Variants in SEMA3A observed in about 807,000 individuals in gnomAD.
The protein encoded by SEMA3A is semaphorin-3A.
Under a neutral mutation model 97.9 loss-of-function variants are expected in SEMA3A, and 29 were observed. That is an observed-to-expected ratio of 0.30 (90% confidence interval 0.22 to 0.40). SEMA3A has a LOEUF of 0.40. Ranked by LOEUF, SEMA3A falls within the 10% of genes least tolerant of loss-of-function variation. SEMA3A has a pLI of 1.00. For synonymous variants in SEMA3A, 321 were observed against 323.7 expected (o/e 0.99, Z 0.09); for missense variants, 763 against 951.3 (o/e 0.80, Z 2.60).
chr7:83,987,221 G>C (rs1425425081), intron 12 of SEMA3A, among the ~76,000 whole-genome samples: 1 of 151,590 alleles, frequency 6.6e-6, no homozygotes, highest in African/African-American at 2.4e-5. Flanking sequence ...TTGCAGGTTT[G>C]GGGCAAGAGT....
intron 6 of SEMA3A, among the ~76,000 whole-genome samples, chr7:84,030,793 T>C (rs1030881598): frequency 6.6e-6 from 1 of 152,168 alleles, no homozygotes; most frequent in African/African-American, 2.4e-5. Flanking sequence ...CTAGCTAACA[T>C]ATTTAAATTG....
intron 1 of SEMA3A, among the ~76,000 whole-genome samples, chr7:84,476,622 C>T (rs1415771531): frequency 6.6e-6 from 1 of 151,968 alleles, no homozygotes; most frequent in Admixed American, 6.6e-5. Context: ...TATTGTGTTG[C>T]TATTACCTAG....
At chr7:84,185,833 C>T (rs1019421341) in intron 1 of SEMA3A, among the ~76,000 whole-genome samples, 13 of 151,738 alleles carry the variant, frequency 8.6e-5, no homozygotes, top group African/African-American at 2.9e-4. Context: ...CCAAAATCAA[C>T]GTCCTTTTCT....
At chr7:84,337,322 G>A (rs765888862) in intron 2 of SEMA3A, among the ~76,000 whole-genome samples, 1 of 152,088 alleles carries the variant, frequency 6.6e-6, no homozygotes. Flanking sequence ...TGATGCATGT[G>A]TAATATATAC....
At chr7:84,044,949 C>G (rs1378956913) in intron 6 of SEMA3A, among the ~76,000 whole-genome samples, 1 of 151,964 alleles carries the variant, frequency 6.6e-6, no homozygotes, top group South Asian at 2.1e-4. Context: ...TTTGTCACTA[C>G]CACATGGAAA....
At chr7:84,491,959 G>C (rs1015521147) in intron 1 of SEMA3A, among the ~76,000 whole-genome samples, 10 of 152,046 alleles carry the variant, frequency 6.6e-5, no homozygotes, top group African/African-American at 2.4e-4. Flanking sequence ...CACTTCTCTA[G>C]TAAGAGATCA....
At chr7:84,243,250 A>G (rs1799406684) in intron 3 of SEMA3A, among the ~76,000 whole-genome samples, 1 of 152,194 alleles carries the variant, frequency 6.6e-6, no homozygotes, top group Non-Finnish European at 1.5e-5. Context: ...TAACTCTGGT[A>G]GAATTCGGCT....
At chr7:84,482,251 C>A (rs893077363) in intron 1 of SEMA3A, among the ~76,000 whole-genome samples, 4 of 152,084 alleles carry the variant, frequency 2.6e-5, no homozygotes, top group African/African-American at 9.7e-5. Context: ...GACTTTACTA[C>A]AGTAGAATCT....
intron 1 of SEMA3A, among the ~76,000 whole-genome samples, chr7:84,396,048 T>C (rs1335649993): frequency 6.6e-6 from 1 of 151,934 alleles, no homozygotes; most frequent in East Asian, 1.9e-4. Context: ...AATTCACAAA[T>C]AGTTAAAAAT....
intron 2 of SEMA3A, among the ~76,000 whole-genome samples, chr7:84,317,251 C>G (rs1198784379): frequency 6.6e-6 from 1 of 152,154 alleles, no homozygotes; most frequent in Non-Finnish European, 1.5e-5. Context: ...AAACTGAGAA[C>G]ACTCCTTTAC....
At chr7:84,344,680 T>C (rs1181137827) in intron 2 of SEMA3A, among the ~76,000 whole-genome samples, 1 of 152,158 alleles carries the variant, frequency 6.6e-6, no homozygotes, top group East Asian at 1.9e-4. Context: ...ACCACTGATC[T>C]ACTCAGGCGT....
rs535583987 is a variant in SEMA3A, at chr7:84,105,694, A to G, written c.453+4776T>C. 2.0e-5 allele frequency among the ~76,000 whole-genome samples: 3 copies of G among 152,220 alleles called. No homozygotes were observed. The East Asian group carries it at 5.8e-4, about 29-fold the overall frequency. On this transcript the variant is annotated intron_variant, in intron 4 of 16. Coordinates refer to ENST00000265362, the MANE Select transcript of SEMA3A (RefSeq NM_006080.3). The stretch of plus-strand genomic sequence containing the variant: ...CTTCGAAAATCTGTACTTCTCCTAA[A>G]TTCATACTTTGTTTTATTAACAGAT...
At chr7:84,358,037 C>T (rs1015130828) in intron 2 of SEMA3A, among the ~76,000 whole-genome samples, 2 of 152,140 alleles carry the variant, frequency 1.3e-5, no homozygotes, top group Admixed American at 1.3e-4. Flanking sequence ...TGGATATTAG[C>T]CCTTTGTCAG....
chr7:84,458,033 A>G lies in SEMA3A; in HGVS notation c.-246+34427T>C, dbSNP rs188652050. On this transcript the variant is annotated intron_variant, in intron 1 of 3. Transcript: ENST00000424555. ...TAGTACTTCCACTGACCCATTATGA[A>G]GTCTTAGGTAAGACTTTATGTTTAC... Among the ~76,000 whole-genome samples the G allele has an allele frequency of 5.9e-4, 89 of 152,092 alleles. 1 individual carries two copies. The highest frequency in any genetic ancestry group is 2.0e-3 in the African/African-American group (85 of 41,552).
intron 1 of SEMA3A, among the ~76,000 whole-genome samples, chr7:84,488,478 AT>A (rs201712688): frequency 0.016 from 2,405 of 149,350 alleles, 75 homozygotes; most frequent in African/African-American, 0.055. Flanking sequence ...TTGACAGCTC[AT>A]TTTTTTTTTC....
intron 2 of SEMA3A, among the ~76,000 whole-genome samples, chr7:84,343,954 G>A (rs2115997448): frequency 6.6e-6 from 1 of 151,780 alleles, no homozygotes; most frequent in East Asian, 1.9e-4. Context: ...TTTGCAGTGA[G>A]CTATTATCAC....
At chr7:84,374,778 G>C (rs1803057382) in intron 1 of SEMA3A, among the ~76,000 whole-genome samples, 1 of 152,104 alleles carries the variant, frequency 6.6e-6, no homozygotes, top group African/African-American at 2.4e-5. Context: ...GTTGATGATA[G>C]GTATATTTGG....
intron 3 of SEMA3A, among the ~76,000 whole-genome samples, chr7:84,120,795 A>T (rs1309920951): frequency 1.3e-5 from 2 of 152,222 alleles, no homozygotes; most frequent in Non-Finnish European, 2.9e-5. Flanking sequence ...TTGTAAAGAT[A>T]GCAAGTTAGC....
Position 84,361,765 on chromosome 7 carries a change from T to G in SEMA3A, c.-169+10059A>C, listed in dbSNP as rs1002752265. Among the ~76,000 whole-genome samples the G allele has an allele frequency of 2.0e-5, 3 of 152,108 alleles. No homozygotes were observed. The East Asian group carries it at 5.8e-4, about 30-fold the overall frequency. On this transcript the variant is annotated intron_variant, in intron 2 of 3. Transcript: ENST00000424555. ...TTCATATAAATACTAATGACATAAT[T>G]AAAAGGGTCAGAGAAGCATCTTTAT...
Sources: gnomAD v4.1 joint callset for allele counts (sites outside exome capture counted in the v4.1 genomes callset) on GRCh38, gnomAD v4.1.1 for gene constraint, MANE v1.5 for transcripts, NCBI Gene and HGNC (gene_info 2026-07-23, HGNC 2026-07-21) for gene names.